SLFN12L: variants seen among roughly 807,000 people sequenced by gnomAD.
SLFN12L encodes the protein schlafen family member 12-like.
In SLFN12L, 34 loss-of-function variants were observed where a neutral mutation model predicts 34.8. That is an observed-to-expected ratio of 0.98 (90% CI 0.74 to 1.30). The LOEUF (loss-of-function observed/expected upper bound fraction) is 1.30, where lower values mean the gene tolerates loss of function less well. Among genes scored for constraint, SLFN12L ranks in the 50% most tolerant of loss-of-function variants. The pLI is 0.00. For synonymous variants in SLFN12L, 259 were observed against 247.5 expected (o/e 1.05, Z -0.44); for missense variants, 703 against 696.2 (o/e 1.01, Z -0.11).
At chr17:35,492,088 C>A (rs1402600819) in intron 2 of SLFN12L, among the ~76,000 whole-genome samples, 2 of 152,178 alleles carry the variant, frequency 1.3e-5, no homozygotes, top group African/African-American at 4.8e-5. Context: ...TCCTGTGGCA[C>A]CCATCACCAT....
Position 35,465,973 on chromosome 17 carries a change from C to T in SLFN12L, c.*8950G>A, listed in dbSNP as rs528895907. 2.6e-5 allele frequency among the ~76,000 whole-genome samples: 4 copies of T among 151,994 alleles called. No homozygotes were observed. Among genetic ancestry groups the T allele is most frequent in the African/African-American group, 2.4e-5 (1 of 41,434 alleles). On this transcript the variant is annotated 3_prime_UTR_variant, in exon 5 of 5. Coordinates refer to ENST00000628453, the MANE Select transcript of SLFN12L (RefSeq NM_001363830.2). ...ATTTTGCCATCATGCACACATCTTA[C>T]AGACAAGATCTTTTTTAATACTTAA...
chr17:35,475,004 C>T lies in SLFN12L; in HGVS notation c.1758G>A (p.Lys586=), dbSNP rs537002582. The change falls in exon 5 of 5, where the codon AAG becomes AAA. Residue 586 remains lysine (K), a synonymous_variant. Transcript: ENST00000628453. The part of the protein sequence containing the change: ...LEKALSNILP[K]ENQIFLFVCL... Reference sequence around the variant, plus strand: ...AAACAAACAAAAAGATTTGATTCTCCTTAGGTAAGATATTTGAAAGGGCCT... The same window carrying T: ...AAACAAACAAAAAGATTTGATTCTCTTTAGGTAAGATATTTGAAAGGGCCT... The T allele has an allele frequency of 6.3e-6, 10 of 1,580,550 alleles. No individual in the cohort carries two copies. In the South Asian group the frequency reaches 7.9e-5, roughly 13 times the overall value.
chr17:35,505,960 G>A (rs1247931758), intron 2 of SLFN12L, among the ~76,000 whole-genome samples: 2 of 152,146 alleles, frequency 1.3e-5, no homozygotes, highest in Admixed American at 6.5e-5. Context: ...AGTTGCTACA[G>A]TCTTATTTTA....
chr17:35,491,613 T>A (rs1409778732), intron 2 of SLFN12L, among the ~76,000 whole-genome samples: 2 of 152,246 alleles, frequency 1.3e-5, no homozygotes, highest in African/African-American at 4.8e-5. Context: ...TCTGGCCACC[T>A]GGCCTGCTGG....
chr17:35,476,743 A>G (rs1914044278), intron 4 of SLFN12L, among the ~76,000 whole-genome samples: 1 of 151,430 alleles, frequency 6.6e-6, no homozygotes, highest in African/African-American at 2.4e-5. Flanking sequence ...AGCATAAAAC[A>G]AAACTTCAAA....
rs1913828512 is a variant in SLFN12L at position 35,472,831 on chromosome 17, C to T, written c.*2092G>A. Among the ~76,000 whole-genome samples, 1 of 152,142 alleles carries T rather than the reference C, an allele frequency of 6.6e-6. No individual in the cohort carries two copies. The highest frequency in any genetic ancestry group is 2.4e-5 in the African/African-American group (1 of 41,430). On this transcript the variant is annotated 3_prime_UTR_variant, in exon 5 of 5. Transcript: ENST00000628453. Reference sequence around the variant, plus strand: ...TTGTGTCTTCTCTTGTTTCCTTGAGCAGTGGTTTGTAGTTCTCCTTGAAGA... The same window carrying T: ...TTGTGTCTTCTCTTGTTTCCTTGAGTAGTGGTTTGTAGTTCTCCTTGAAGA...
rs1385967586 is a variant in SLFN12L, at chr17:35,490,896, C to G, written c.87-10701G>C. 1.7e-5 allele frequency: 14 copies of G among 833,062 alleles called. 1 individual carries two copies. In the Middle Eastern group the frequency reaches 8.8e-4, roughly 52 times the overall value. 51.6% of individuals were successfully genotyped at this position (833,062 alleles called of 1,614,324 possible). On this transcript the variant is annotated intron_variant, in intron 2 of 4. Coordinates refer to ENST00000628453, the MANE Select transcript of SLFN12L (RefSeq NM_001363830.2). ...GTCCAGAAGAGACTGAAACACAGTC[C>G]AATGACAACAAACAACCAAGACCCC...
At position 35,466,236 on chromosome 17, in the gene SLFN12L, A is replaced by G. The variant is rs1597821412; in HGVS notation, c.*8687T>C. Among the ~76,000 whole-genome samples, 1 of 152,194 alleles carries G rather than the reference A, an allele frequency of 6.6e-6. No homozygotes were observed. The highest frequency in any genetic ancestry group is 2.4e-5 in the African/African-American group (1 of 41,442). ...TATGGGTTCAGACAAATGTATAATG[A>G]CATATATCTACTATATAGTATCAAA... On this transcript the variant is annotated 3_prime_UTR_variant, in exon 5 of 5. Transcript: ENST00000628453.
intron 2 of SLFN12L, among the ~76,000 whole-genome samples, chr17:35,506,568 A>G (rs1314651105): frequency 6.6e-6 from 1 of 152,176 alleles, no homozygotes; most frequent in East Asian, 1.9e-4. Context: ...TGGTTTGAGG[A>G]GAAGTTTATA....
intron 2 of SLFN12L, among the ~76,000 whole-genome samples, chr17:35,510,833 CAA>C (rs34262146): frequency 1.3e-4 from 18 of 139,498 alleles, no homozygotes; most frequent in Admixed American, 5.8e-4. Flanking sequence ...GAATTCACAG[CAA>C]AAAAAAAAAA....
intron 2 of SLFN12L, among the ~76,000 whole-genome samples, chr17:35,521,894 G>A (rs79917133): frequency 0.012 from 1,895 of 151,990 alleles, 45 homozygotes; most frequent in African/African-American, 0.043. Context: ...AAAATGACCC[G>A]AGTCGGTTTT....
chr17:35,471,769 G>T lies in SLFN12L; in HGVS notation c.*3154C>A, dbSNP rs954172399. ...AATAATCACCATTTGACTTGTGTGA[G>T]ATGGTGTCTCATTGTGGTTTTGATT... On this transcript the variant is annotated 3_prime_UTR_variant, in exon 5 of 5. Transcript: ENST00000628453. 1.3e-5 allele frequency among the ~76,000 whole-genome samples: 2 copies of T among 151,800 alleles called. No individual in the cohort carries two copies. The highest frequency in any genetic ancestry group is 2.9e-5 in the Non-Finnish European group (2 of 67,890).
Position 35,474,968 on chromosome 17 carries a change from A to C in SLFN12L, c.1794T>G (p.Arg598=). ...CAAACCAACAAACAAACAAACAAAA[A>C]CGAAACAAACAAACAAACAAAAAGA... The part of the protein sequence containing the change: ...NQIFLFVCLF[R]FCLFVCWFVC... Residue 598 remains arginine, a synonymous_variant, in exon 5 of 5, where the codon CGT becomes CGG. Transcript: ENST00000628453. 1 of 1,552,992 alleles carries C rather than the reference A, an allele frequency of 6.4e-7. No homozygotes were observed. Among genetic ancestry groups the C allele is most frequent in the Middle Eastern group, 1.7e-4 (1 of 5,988 alleles).
intron 2 of SLFN12L, chr17:35,490,262 G>A: frequency 2.0e-6 from 3 of 1,529,724 alleles, no homozygotes; most frequent in Non-Finnish European, 2.7e-6. Flanking sequence ...GTACCTCTCG[G>A]ATGGTTCAAA....
chr17:35,524,657 C>G (rs1387000941), intron 1 of SLFN12L, among the ~76,000 whole-genome samples: 2 of 152,188 alleles, frequency 1.3e-5, no homozygotes, highest in Non-Finnish European at 2.9e-5. Context: ...GGAAAACTAA[C>G]AAACAGAAAG....
At chr17:35,527,252 C>G (rs961629455) in intron 1 of SLFN12L, among the ~76,000 whole-genome samples, 3 of 152,084 alleles carry the variant, frequency 2.0e-5, no homozygotes, top group East Asian at 1.9e-4. Context: ...CAGGACCAGA[C>G]AGATTCACAG....
At chr17:35,509,723 A>C (rs1915575815) in intron 2 of SLFN12L, among the ~76,000 whole-genome samples, 1 of 151,274 alleles carries the variant, frequency 6.6e-6, no homozygotes, top group Non-Finnish European at 1.5e-5. Context: ...TTTGAGACAG[A>C]GTCTCGCTGT....
chr17:35,520,251 C>T (rs1038045774), intron 2 of SLFN12L, among the ~76,000 whole-genome samples: 1 of 152,248 alleles, frequency 6.6e-6, no homozygotes, highest in Admixed American at 6.5e-5. Context: ...GCCCTAACTA[C>T]AGCTTTGACT....
chr17:35,496,666 G>C (rs1915093603), intron 2 of SLFN12L, among the ~76,000 whole-genome samples: 1 of 152,158 alleles, frequency 6.6e-6, no homozygotes. Context: ...GTAGGCGTCT[G>C]TCTTCGCGGT....
Sources: allele counts gnomAD v4.1 joint callset (sites outside exome capture counted in the v4.1 genomes callset), GRCh38; gene constraint gnomAD v4.1.1; transcripts MANE v1.5; gene names NCBI Gene and HGNC (gene_info 2026-07-23, HGNC 2026-07-21).